The following PLCH1 variants were observed in gnomAD, a reference collection of about 807,000 sequenced individuals.
PLCH1 encodes phospholipase C eta 1, also known as 1-phosphatidylinositol 4,5-bisphosphate phosphodiesterase eta-1.
A neutral mutation model predicts 126.7 loss-of-function variants in PLCH1; 60 were observed. The observed-to-expected ratio is 0.47, with a 90% CI of 0.38 to 0.59. The LOEUF is 0.59. Among genes scored for constraint, PLCH1 ranks in the 20% least tolerant of loss-of-function variants. The pLI, the probability that PLCH1 is intolerant of heterozygous loss-of-function variation, is 0.00. For synonymous variants in PLCH1, 719 were observed against 734.9 expected, an observed-to-expected ratio of 0.98 and a Z score of 0.35; for missense variants, 1,723 against 2,040.0, an observed-to-expected ratio of 0.84 and a Z score of 2.99.
intron 2 of PLCH1, among the ~76,000 whole-genome samples, chr3:155,698,478 C>T (rs1177543534): frequency 6.6e-6 from 1 of 152,118 alleles, no homozygotes; most frequent in Non-Finnish European, 1.5e-5. Context: ...CTATGATTTC[C>T]CTCAGACAGG....
chr3:155,663,708 C>T (rs1742430258), intron 2 of PLCH1, among the ~76,000 whole-genome samples: 1 of 152,144 alleles, frequency 6.6e-6, no homozygotes, highest in South Asian at 2.1e-4. Flanking sequence ...AGATGCATAA[C>T]AGCTACTAAG....
intron 2 of PLCH1, among the ~76,000 whole-genome samples, chr3:155,682,746 C>T (rs565752619): frequency 6.6e-6 from 1 of 152,328 alleles, no homozygotes; most frequent in East Asian, 1.9e-4. Context: ...GGCAAACATG[C>T]TTAAAATATT....
rs1211692144 is a variant in PLCH1 at position 155,706,136 on chromosome 3, T to A, written c.-40-1872A>T. On this transcript the variant is annotated intron_variant, in intron 1 of 22. Transcript: ENST00000460012. ...TTGCAGTGAGGTGAGACAGCGCCAC[T>A]GCACTCCAGCCTGGTGACAGAACAA... is the stretch of plus-strand genomic sequence containing the variant. Among the ~76,000 whole-genome samples the A allele has an allele frequency of 2.3e-5, 3 of 128,734 alleles. No individual in the cohort carries two copies. In the East Asian group the frequency reaches 7.5e-4, roughly 32 times the overall value. The allele number at this position is 128,734 out of a possible 152,430, so 84.5% of individuals were successfully genotyped here. A position where few individuals can be genotyped will look rare whatever the true frequency, so the allele number is the denominator to read the frequency against.
At chr3:155,591,946 T>A (rs1732236222) in intron 4 of PLCH1, among the ~76,000 whole-genome samples, 1 of 152,036 alleles carries the variant, frequency 6.6e-6, no homozygotes, top group African/African-American at 2.4e-5. Context: ...CCTCAAGTGA[T>A]CCTTCCCCCT....
At chr3:155,461,205 A>G (rs1240990452) in intron 21 of PLCH1, among the ~76,000 whole-genome samples, 1 of 152,232 alleles carries the variant, frequency 6.6e-6, no homozygotes, top group East Asian at 1.9e-4. Flanking sequence ...CCTAATAAAG[A>G]GAATAGATCA....
chr3:155,626,275 C>CACAGGACACTGGAAGGGT (rs1737235382), intron 2 of PLCH1, among the ~76,000 whole-genome samples: 1 of 151,688 alleles, frequency 6.6e-6, no homozygotes, highest in Non-Finnish European at 1.5e-5. Context: ...ATGTCAGAAA[C>CACAGGACACTGGAAGGGT]ACAGGACACT....
chr3:155,677,129 C>T (rs1744160178), intron 2 of PLCH1, among the ~76,000 whole-genome samples: 1 of 152,164 alleles, frequency 6.6e-6, no homozygotes, highest in Non-Finnish European at 1.5e-5. Context: ...TTTCTAATAT[C>T]GACCCTATTG....
intron 8 of PLCH1, among the ~76,000 whole-genome samples, chr3:155,556,437 A>G (rs572811523): frequency 3.3e-5 from 5 of 152,218 alleles, no homozygotes; most frequent in African/African-American, 1.2e-4. Flanking sequence ...ACCTTCCCCT[A>G]TATGTGTGTT....
intron 21 of PLCH1, among the ~76,000 whole-genome samples, chr3:155,468,362 A>C (rs1713007937): frequency 6.6e-6 from 1 of 152,202 alleles, no homozygotes; most frequent in African/African-American, 2.4e-5. Context: ...ACCACAAAAC[A>C]ACCAGAAAAC....
At chr3:155,503,535 G>A (rs187979585) in intron 13 of PLCH1, among the ~76,000 whole-genome samples, 4 of 126,226 alleles carry the variant, frequency 3.2e-5, no homozygotes, top group Non-Finnish European at 4.7e-5. Flanking sequence ...TGTTACTTCT[G>A]TCTTTTTTTT....
intron 12 of PLCH1, among the ~76,000 whole-genome samples, chr3:155,506,060 G>A (rs969880326): frequency 6.6e-6 from 1 of 152,062 alleles, no homozygotes; most frequent in African/African-American, 2.4e-5. Flanking sequence ...GGCTGTCACA[G>A]GCAAATTGAG....
intron 2 of PLCH1, among the ~76,000 whole-genome samples, chr3:155,636,891 TTAGA>T (rs769553996): frequency 1.3e-4 from 20 of 152,202 alleles, no homozygotes; most frequent in East Asian, 9.6e-4. Flanking sequence ...TTTATAACAA[TTAGA>T]TAGTCTAATT....
intron 2 of PLCH1, among the ~76,000 whole-genome samples, chr3:155,612,066 CA>C (rs1735169349): frequency 6.6e-6 from 1 of 151,998 alleles, no homozygotes; most frequent in South Asian, 2.1e-4. Context: ...CCTGTAATCC[CA>C]GTACTTTGGG....
intron 22 of PLCH1, 90 bp from the exon 23 acceptor site, chr3:155,483,141 G>T (rs897133169): frequency 8.3e-6 from 10 of 1,211,060 alleles, no homozygotes; most frequent in Non-Finnish European, 1.1e-5. Context: ...GACAAATGGA[G>T]AATGTAAATC....
intron 21 of PLCH1, among the ~76,000 whole-genome samples, chr3:155,487,776 T>C (rs1480171530): frequency 1.3e-5 from 2 of 152,184 alleles, no homozygotes; most frequent in South Asian, 2.1e-4. Flanking sequence ...GAGAGAATAA[T>C]AGTTTTCTCA....
chr3:155,589,538 G>A (rs188846060), intron 4 of PLCH1, among the ~76,000 whole-genome samples: 18 of 152,106 alleles, frequency 1.2e-4, no homozygotes, highest in African/African-American at 3.9e-4. Context: ...GCAGTTTGAC[G>A]GGGGAAGAAT....
intron 2 of PLCH1, among the ~76,000 whole-genome samples, chr3:155,654,472 A>G (rs948380425): frequency 6.6e-6 from 1 of 152,126 alleles, no homozygotes; most frequent in Non-Finnish European, 1.5e-5. Flanking sequence ...TCGATATCTC[A>G]GTCTTAACAT....
At chr3:155,492,675 C>T in intron 18 of PLCH1, 54 bp downstream of exon 18, 1 of 1,452,968 alleles carries the variant, frequency 6.9e-7, no homozygotes, top group Middle Eastern at 2.1e-4. Flanking sequence ...AATGTAAATG[C>T]ACTAAGATAA....
chr3:155,520,162 A>C (rs1433316300), intron 11 of PLCH1, among the ~76,000 whole-genome samples: 3 of 152,212 alleles, frequency 2.0e-5, no homozygotes, highest in African/African-American at 7.2e-5. Flanking sequence ...CATGCCCAGC[A>C]CCTGGGCTTT....
Sources: gnomAD v4.1 joint callset for allele counts (sites outside exome capture counted in the v4.1 genomes callset) on GRCh38, gnomAD v4.1.1 for gene constraint, MANE v1.5 for transcripts, NCBI Gene and HGNC (gene_info 2026-07-23, HGNC 2026-07-21) for gene names.